The following CA10 variants were observed in gnomAD, a reference collection of about 807,000 sequenced individuals.
The protein encoded by CA10 is carbonic anhydrase 10 (inactive), also known as carbonic anhydrase-related protein 10.
In CA10, 14 loss-of-function variants were observed where a neutral mutation model predicts 44.2. That is an observed-to-expected ratio of 0.32 (90% CI 0.21 to 0.50). CA10 has a LOEUF of 0.50. Among genes scored for constraint, CA10 ranks in the 20% least tolerant of loss-of-function variants. The pLI is 0.99. For synonymous variants in CA10, 159 were observed against 141.6 expected (o/e 1.12, Z -0.87); for missense variants, 350 against 409.7 (o/e 0.85, Z 1.26).
chr17:52,042,182 T>C (rs1986788245), intron 2 of CA10, among the ~76,000 whole-genome samples: 1 of 152,062 alleles, frequency 6.6e-6, no homozygotes, highest in African/African-American at 2.4e-5. Flanking sequence ...ACTGTTTCCA[T>C]ACTGGCTGTA....
At chr17:51,790,316 C>G (rs559833894) in intron 3 of CA10, among the ~76,000 whole-genome samples, 1 of 152,298 alleles carries the variant, frequency 6.6e-6, no homozygotes, top group South Asian at 2.1e-4. Flanking sequence ...GTGCCTGCTG[C>G]TGGAACCTGG....
intron 1 of CA10, among the ~76,000 whole-genome samples, chr17:52,119,076 T>C (rs867521399): frequency 1.3e-5 from 2 of 152,334 alleles, no homozygotes; most frequent in South Asian, 4.1e-4. Flanking sequence ...CTGCTGATCC[T>C]TGTTTTGTTT....
chr17:52,084,503 A>C (rs1988067519), intron 1 of CA10, among the ~76,000 whole-genome samples: 1 of 152,206 alleles, frequency 6.6e-6, no homozygotes, highest in Non-Finnish European at 1.5e-5. Flanking sequence ...AGACCAAACT[A>C]AAATTTGGAA....
At chr17:52,033,730 TG>T (rs1986535161) in intron 2 of CA10, among the ~76,000 whole-genome samples, 1 of 152,208 alleles carries the variant, frequency 6.6e-6, no homozygotes, top group Non-Finnish European at 1.5e-5. Flanking sequence ...AACTGTTTAA[TG>T]TATACATTAA....
At chr17:51,820,484 A>T (rs1278273820) in intron 3 of CA10, among the ~76,000 whole-genome samples, 2 of 132,496 alleles carry the variant, frequency 1.5e-5, no homozygotes, top group Admixed American at 9.3e-5. Flanking sequence ...TCTATCAGAT[A>T]GTCTTTTTAT....
intron 3 of CA10, among the ~76,000 whole-genome samples, chr17:51,757,524 T>C (rs1208746087): frequency 1.3e-5 from 2 of 152,242 alleles, no homozygotes; most frequent in African/African-American, 4.8e-5. Context: ...TCTTGCTTTA[T>C]GTAGCACTCT....
In CA10 at chr17:51,876,129, T is replaced by C. The variant is rs1598094547; in HGVS notation, c.279+54861A>G. Among the ~76,000 whole-genome samples, 4 of 151,650 alleles carry C rather than the reference T, an allele frequency of 2.6e-5. No homozygotes were observed. The East Asian group carries it at 7.7e-4, about 29-fold the overall frequency. ...GCTATAAACATTCATGTGTAGGTTT[T>C]ATGTGAAGATAAAATTTTATTTCTT... On this transcript the variant is annotated intron_variant, in intron 3 of 8. Coordinates refer to ENST00000451037, the MANE Select transcript of CA10 (RefSeq NM_020178.5).
chr17:51,748,090 G>T (rs1693088686), intron 3 of CA10, among the ~76,000 whole-genome samples: 1 of 152,130 alleles, frequency 6.6e-6, no homozygotes, highest in African/African-American at 2.4e-5. Context: ...TTTGTGCATT[G>T]TATTTTATAA....
At chr17:51,721,345 CTTTAT>C (rs562495584) in intron 4 of CA10, among the ~76,000 whole-genome samples, 62 of 152,130 alleles carry the variant, frequency 4.1e-4, no homozygotes, top group African/African-American at 4.8e-4. Flanking sequence ...AATAAATAAA[CTTTAT>C]TTTATTTATT....
intron 3 of CA10, among the ~76,000 whole-genome samples, chr17:51,854,159 C>G (rs948094814): frequency 6.6e-6 from 1 of 152,178 alleles, no homozygotes; most frequent in African/African-American, 2.4e-5. Context: ...TTGGCTTGCT[C>G]TACGGTTTTC....
intron 3 of CA10, among the ~76,000 whole-genome samples, chr17:51,865,234 G>A (rs1237450067): frequency 6.6e-6 from 1 of 152,118 alleles, no homozygotes; most frequent in Non-Finnish European, 1.5e-5. Context: ...GACACACTAT[G>A]TAATTTGCCT....
intron 3 of CA10, among the ~76,000 whole-genome samples, chr17:51,768,545 G>A (rs1382177993): frequency 6.6e-6 from 1 of 152,134 alleles, no homozygotes; most frequent in African/African-American, 2.4e-5. Flanking sequence ...AAGAGTTGCT[G>A]GCTGGTACTT....
intron 2 of CA10, among the ~76,000 whole-genome samples, chr17:51,955,226 C>G (rs1367592631): frequency 6.6e-6 from 1 of 152,062 alleles, no homozygotes; most frequent in Non-Finnish European, 1.5e-5. Flanking sequence ...AAGTGGTCAC[C>G]TTTTTTTATC....
At chr17:51,648,074 C>T (rs1375960489) in intron 6 of CA10, among the ~76,000 whole-genome samples, 1 of 152,166 alleles carries the variant, frequency 6.6e-6, no homozygotes, top group Non-Finnish European at 1.5e-5. Flanking sequence ...TGTCATGGGG[C>T]AGGCATGCAG....
intron 1 of CA10, among the ~76,000 whole-genome samples, chr17:52,154,588 C>T (rs189201997): frequency 5.9e-5 from 9 of 152,222 alleles, no homozygotes; most frequent in East Asian, 5.8e-4. Flanking sequence ...TTGCAGTACA[C>T]GGAAAAATCA....
chr17:52,035,560 C>A lies in CA10; in HGVS notation c.136+36759G>T, dbSNP rs185633573. 7.0e-3 allele frequency among the ~76,000 whole-genome samples: 1,060 copies of A among 152,226 alleles called. 11 individuals are homozygous for A. The highest frequency in any genetic ancestry group is 0.022 in the African/African-American group (911 of 41,536). ...AGGGCAGCTGCCTCACACAAAAAAA[C>A]AAAAGACTCACTGAGCTGTTAACAT... is the stretch of plus-strand genomic sequence containing the variant. On this transcript the variant is annotated intron_variant, in intron 2 of 8. Coordinates refer to ENST00000451037, the MANE Select transcript of CA10 (RefSeq NM_020178.5).
intron 3 of CA10, among the ~76,000 whole-genome samples, chr17:51,873,849 C>A (rs963851036): frequency 6.6e-6 from 1 of 152,144 alleles, no homozygotes; most frequent in Non-Finnish European, 1.5e-5. Flanking sequence ...CATTTCACTG[C>A]CTAAAATGAC....
At chr17:51,705,802 A>G (rs1338935501) in intron 4 of CA10, among the ~76,000 whole-genome samples, 3 of 152,168 alleles carry the variant, frequency 2.0e-5, no homozygotes, top group Non-Finnish European at 4.4e-5. Context: ...TGAGCTGCTG[A>G]CGGAGGGTAG....
chr17:51,863,867 T>A (rs1214611829), intron 3 of CA10, among the ~76,000 whole-genome samples: 1 of 152,202 alleles, frequency 6.6e-6, no homozygotes, highest in African/African-American at 2.4e-5. Flanking sequence ...CTTATAGGAC[T>A]GCCAACCGGG....
Sources: gnomAD v4.1 joint callset for allele counts (sites outside exome capture counted in the v4.1 genomes callset) on GRCh38, gnomAD v4.1.1 for gene constraint, MANE v1.5 for transcripts, NCBI Gene and HGNC (gene_info 2026-07-23, HGNC 2026-07-21) for gene names.